KIR3DL2: variants seen among roughly 807,000 people sequenced by gnomAD.
The protein encoded by KIR3DL2 is killer cell immunoglobulin-like receptor 3DL2.
A neutral mutation model predicts 41.6 loss-of-function variants in KIR3DL2; 42 were observed. The ratio of observed to expected loss-of-function variants is 1.01; its 90% confidence interval spans 0.79 to 1.31. The LOEUF (loss-of-function observed/expected upper bound fraction) is 1.31, where lower values mean the gene tolerates loss of function less well. KIR3DL2 is among the 50% of genes most tolerant of loss of function. The probability of loss-of-function intolerance (pLI) is 0.00; values close to 1 mark genes in which losing one functional copy is unlikely to be tolerated. For missense variants in KIR3DL2, 728 were observed against 576.8 expected (o/e 1.26, Z -2.68); for synonymous variants, 230 against 221.3 (o/e 1.04, Z -0.35).
rs2064707182 is a variant in KIR3DL2, at chr19:54,855,759, C to T, written c.796C>T (p.Leu266Phe). 2 of 1,613,454 alleles carry T rather than the reference C, an allele frequency of 1.2e-6. No homozygotes were observed. Among genetic ancestry groups the T allele is most frequent in the East Asian group, 4.5e-5 (2 of 44,858 alleles). Reference protein sequence around the residue: ...SREGEAHERRLRAVPKVNRTF... With the variant: ...SREGEAHERRFRAVPKVNRTF... ...GGAAGGGGAGGCCCATGAACGTAGG[C>T]TCCGTGCAGTGCCCAAGGTCAACAG... The change falls in exon 5 of 9, where the codon CTC becomes TTC. Residue 266 changes from leucine (L) to phenylalanine (F), a missense_variant. Leu to Phe is a conservative substitution (Grantham distance 22). Coordinates refer to ENST00000326321, the MANE Select transcript of KIR3DL2 (RefSeq NM_006737.4).
At position 54,866,822 on chromosome 19, in the gene KIR3DL2, C is replaced by T. The variant is rs57945910; in HGVS notation, c.*91C>T. On this transcript the variant is annotated 3_prime_UTR_variant, in exon 9 of 9. Coordinates refer to ENST00000326321, the MANE Select transcript of KIR3DL2 (RefSeq NM_006737.4). ...GGCATCAGTCTGCATCTTAGGGGATCGCTCTTCCTCACACCACGAATCTGA... is the reference window on the plus strand; with the variant it reads ...GGCATCAGTCTGCATCTTAGGGGATTGCTCTTCCTCACACCACGAATCTGA... 0.034 allele frequency: 45,869 copies of T among 1,358,474 alleles called. 1,127 individuals carry two copies. Among genetic ancestry groups the T allele is most frequent in the East Asian group, 0.11 (4,746 of 43,192 alleles). The allele number at this position is 1,358,474 out of a possible 1,614,324, so 84.2% of individuals were successfully genotyped here.
At chr19:54,865,653 C>G (rs923823010) in intron 6 of KIR3DL2, 152 bp from the exon 7 acceptor site, 4 of 687,128 alleles carry the variant, frequency 5.8e-6, no homozygotes, top group African/African-American at 5.4e-5. Flanking sequence ...AGAGCTGTAA[C>G]TGAGAAAGCA....
intron 4 of KIR3DL2, among the ~76,000 whole-genome samples, chr19:54,855,092 T>G (rs2064632492): frequency 6.6e-6 from 1 of 150,856 alleles, no homozygotes; most frequent in Admixed American, 6.6e-5. Flanking sequence ...TATAAATATA[T>G]AGATACATAG....
chr19:54,851,368 T>C (rs921397391), intron 2 of KIR3DL2, 113 bp downstream of exon 2: 66 of 1,178,812 alleles, frequency 5.6e-5, no homozygotes, highest in African/African-American at 1.1e-4. Flanking sequence ...AGGGGACCCT[T>C]GGATACTCGG....
intron 7 of KIR3DL2, 21 bp downstream of exon 7, chr19:54,865,930 G>A (rs374190020): frequency 7.5e-6 from 12 of 1,595,964 alleles, no homozygotes; most frequent in Non-Finnish European, 1.0e-5. Flanking sequence ...CGAAGCAGAG[G>A]CCAGAGAGCT....
chr19:54,851,391 A>C, intron 2 of KIR3DL2, 136 bp downstream of exon 2: 1 of 922,530 alleles, frequency 1.1e-6, no homozygotes, highest in Non-Finnish European at 1.6e-6. Flanking sequence ...CACATTTCTG[A>C]CCTCGCCCTC....
At position 54,866,882 on chromosome 19, in the gene KIR3DL2, C is replaced by T; in HGVS notation, c.*151C>T. 7 of 870,730 alleles carry T rather than the reference C, an allele frequency of 8.0e-6. No individual in the cohort carries two copies. The highest frequency in any genetic ancestry group is 3.3e-5 in the South Asian group (2 of 60,826). The allele number at this position is 870,730 out of a possible 1,614,324, so 53.9% of individuals were successfully genotyped here. A position where few individuals can be genotyped will look rare whatever the true frequency, so the allele number is the denominator to read the frequency against. On this transcript the variant is annotated 3_prime_UTR_variant, in exon 9 of 9. Transcript: ENST00000326321. ...TCTCTTGCTTACAAATGCCTAAGGT[C>T]GCCACTGCCTGCTGCAGAGAAAACA...
At chr19:54,854,771 G>T (rs2145603629) in intron 4 of KIR3DL2, among the ~76,000 whole-genome samples, 1 of 151,120 alleles carries the variant, frequency 6.6e-6, no homozygotes, top group East Asian at 1.9e-4. Flanking sequence ...GAGGGCAGAG[G>T]AGTGGAGAGA....
In KIR3DL2 at chr19:54,852,027, C is replaced by G; in HGVS notation, c.100C>G (p.Arg34Gly). ...TCAGGACAAACCCTTCCTGTCTGCC[C>G]GGCCCAGCACTGTGGTGCCTCGAGG... ...GGQDKPFLSARPSTVVPRGGH... is the reference protein window; with the variant it reads ...GGQDKPFLSAGPSTVVPRGGH... The change falls in exon 3 of 9, where the codon CGG becomes GGG. Residue 34 changes from arginine to glycine, a missense_variant. Physicochemically the swap from Arg to Gly is moderately radical, Grantham distance 125. Transcript: ENST00000326321. 6.2e-7 allele frequency: 1 copy of G among 1,609,058 alleles called. No homozygotes were observed. Among genetic ancestry groups the G allele is most frequent in the Admixed American group, 1.7e-5 (1 of 59,810 alleles).
chr19:54,863,626 A>G (rs892835044), intron 6 of KIR3DL2, among the ~76,000 whole-genome samples: 8 of 151,884 alleles, frequency 5.3e-5, no homozygotes, highest in African/African-American at 1.9e-4. Flanking sequence ...GCATTTTTTC[A>G]TGTGTTTTTT....
At chr19:54,853,214 C>T (rs2064438233) in intron 3 of KIR3DL2, among the ~76,000 whole-genome samples, 1 of 151,622 alleles carries the variant, frequency 6.6e-6, no homozygotes. Flanking sequence ...GCTCCATCCA[C>T]ATAGGAAGGG....
Position 54,852,181 on chromosome 19 carries a change from T to A in KIR3DL2, c.254T>A (p.Val85Glu). ...CAGGAGAGCTTCATCATGGGCCCTGTGACCCCAGCACATGCAGGGACCTAC... is the reference window on the plus strand; with the variant it reads ...CAGGAGAGCTTCATCATGGGCCCTGAGACCCCAGCACATGCAGGGACCTAC... The part of the protein sequence containing the change: ...IFQESFIMGP[V>E]TPAHAGTYRC... Residue 85 changes from valine to glutamate, a missense_variant, in exon 3 of 9, where the codon GTG becomes GAG. Physicochemically the swap from Val to Glu is moderately radical, Grantham distance 121. Coordinates refer to ENST00000326321, the MANE Select transcript of KIR3DL2 (RefSeq NM_006737.4). 6.2e-6 allele frequency: 10 copies of A among 1,612,772 alleles called. No homozygotes were observed. The highest frequency in any genetic ancestry group is 8.5e-6 in the Non-Finnish European group (10 of 1,179,490).
chr19:54,863,781 G>A (rs375875652), intron 6 of KIR3DL2, among the ~76,000 whole-genome samples: 6,710 of 151,574 alleles, frequency 0.044, 196 homozygotes, highest in East Asian at 0.09. Context: ...AGTAGGTTGC[G>A]AAAATTTTCT....
At chr19:54,852,350 G>A (rs1281813151) in intron 3 of KIR3DL2, 68 bp downstream of exon 3, 3 of 1,570,032 alleles carry the variant, frequency 1.9e-6, no homozygotes, top group African/African-American at 2.8e-5. Flanking sequence ...TGGTGGGGGT[G>A]TCCATCAGGG....
rs369461405 is a variant in KIR3DL2, at chr19:54,851,376, C to A, written c.70+121C>A. ...TAGGAAGAGGGGACCCTTGGATACT[C>A]GGCCCACATTTCTGACCTCGCCCTC... On this transcript the variant is annotated intron_variant, in intron 2 of 8. Transcript: ENST00000326321. 263 of 1,105,212 alleles carry A rather than the reference C, an allele frequency of 2.4e-4. 8 individuals carry two copies. The African/African-American group carries it at 3.8e-3, about 16-fold the overall frequency. 68.5% of individuals were successfully genotyped at this position (1,105,212 alleles called of 1,614,324 possible). A position where few individuals can be genotyped will look rare whatever the true frequency, so the allele number is the denominator to read the frequency against.
rs767844844 is a variant in KIR3DL2 at position 54,866,759 on chromosome 19, G to A, written c.*28G>A. 21 of 1,609,866 alleles carry A rather than the reference G, an allele frequency of 1.3e-5. No homozygotes were observed. The highest frequency in any genetic ancestry group is 1.7e-5 in the Non-Finnish European group (20 of 1,177,448). On this transcript the variant is annotated 3_prime_UTR_variant, in exon 9 of 9. Transcript: ENST00000326321. ...AGACAACAGCCCTGTCTCAAAACCAGGTTGCCAGATCCAATGAACCAGCAG... is the reference window on the plus strand; with the variant it reads ...AGACAACAGCCCTGTCTCAAAACCAAGTTGCCAGATCCAATGAACCAGCAG...
Position 54,859,147 on chromosome 19 carries a change from C to G in KIR3DL2, c.1000+18C>G, listed in dbSNP as rs2065000757. On this transcript the variant is annotated intron_variant, in intron 6 of 8. Coordinates refer to ENST00000326321, the MANE Select transcript of KIR3DL2 (RefSeq NM_006737.4). ...CAAATCTGGTGAGTAAAGGACCCCT[C>G]TTATCTCTGCTTTTGGAAACCTGGG... 2 of 1,606,496 alleles carry G rather than the reference C, an allele frequency of 1.2e-6. No individual in the cohort carries two copies. Among genetic ancestry groups the G allele is most frequent in the African/African-American group, 2.7e-5 (2 of 74,610 alleles).
At chr19:54,860,433 T>C (rs1265362561) in intron 6 of KIR3DL2, among the ~76,000 whole-genome samples, 4 of 152,054 alleles carry the variant, frequency 2.6e-5, no homozygotes, top group African/African-American at 9.7e-5. Context: ...TGCGGTGGCA[T>C]GATCTCGGCT....
chr19:54,866,803 A>G lies in KIR3DL2; in HGVS notation c.*72A>G, dbSNP rs2065565967. 6.7e-7 allele frequency: 1 copy of G among 1,499,884 alleles called. No individual in the cohort carries two copies. Among genetic ancestry groups the G allele is most frequent in the Admixed American group, 1.8e-5 (1 of 57,006 alleles). The allele number at this position is 1,499,884 out of a possible 1,614,324, so 92.9% of individuals were successfully genotyped here. On this transcript the variant is annotated 3_prime_UTR_variant, in exon 9 of 9. Coordinates refer to ENST00000326321, the MANE Select transcript of KIR3DL2 (RefSeq NM_006737.4). ...CCAGCAGCTGGAATCTGAAGGCATC[A>G]GTCTGCATCTTAGGGGATCGCTCTT...
Sources: gnomAD v4.1 joint callset for allele counts (sites outside exome capture counted in the v4.1 genomes callset) on GRCh38, gnomAD v4.1.1 for gene constraint, MANE v1.5 for transcripts, NCBI Gene and HGNC (gene_info 2026-07-23, HGNC 2026-07-21) for gene names.